Variants in SPON1 observed in about 807,000 individuals in gnomAD.
SPON1 encodes spondin 1, also known as spondin-1.
Under a neutral mutation model 111.7 loss-of-function variants are expected in SPON1, and 52 were observed. The ratio of observed to expected loss-of-function variants is 0.47; its 90% CI spans 0.37 to 0.59. The LOEUF (loss-of-function observed/expected upper bound fraction) is 0.59, where lower values mean the gene tolerates loss of function less well. Among genes scored for constraint, SPON1 ranks in the 20% least tolerant of loss-of-function variants. The pLI, the probability that SPON1 is intolerant of heterozygous loss-of-function variation, is 0.00. For synonymous variants in SPON1, 410 were observed against 395.8 expected (o/e 1.04, Z -0.43); for missense variants, 957 against 1,068.5 (o/e 0.90, Z 1.46).
intron 6 of SPON1, among the ~76,000 whole-genome samples, chr11:14,232,860 C>T (rs1848817669): frequency 6.6e-6 from 1 of 152,074 alleles, no homozygotes; most frequent in South Asian, 2.1e-4. Flanking sequence ...CAGTAGTGGC[C>T]AGTGGGGCAG....
intron 1 of SPON1, among the ~76,000 whole-genome samples, chr11:13,963,770 C>T (rs1473310001): frequency 6.6e-6 from 1 of 152,204 alleles, no homozygotes; most frequent in Admixed American, 6.5e-5. Context: ...ATTATTCTCT[C>T]GTGGTCCCAG....
At chr11:14,235,278 C>G (rs943668114) in intron 6 of SPON1, among the ~76,000 whole-genome samples, 1 of 152,192 alleles carries the variant, frequency 6.6e-6, no homozygotes, top group Non-Finnish European at 1.5e-5. Context: ...ATTAGTTAAG[C>G]GTGTTCCCAA....
intron 6 of SPON1, among the ~76,000 whole-genome samples, chr11:14,143,694 G>C (rs1483420435): frequency 1.8e-5 from 1 of 56,980 alleles, no homozygotes; most frequent in Non-Finnish European, 4.3e-5. Context: ...CAGGATTTCA[G>C]TCCTGTAGAA....
At chr11:14,191,232 C>A (rs2133891889) in intron 6 of SPON1, among the ~76,000 whole-genome samples, 1 of 152,300 alleles carries the variant, frequency 6.6e-6, no homozygotes, top group Admixed American at 6.5e-5. Flanking sequence ...ATGCCTGCCC[C>A]AACTGGCCAC....
intron 7 of SPON1, among the ~76,000 whole-genome samples, chr11:14,246,213 C>T (rs1243638862): frequency 2.0e-5 from 3 of 152,240 alleles, no homozygotes; most frequent in Admixed American, 6.5e-5. Context: ...AATCAAAGCA[C>T]ATTCAGGAAA....
intron 2 of SPON1, among the ~76,000 whole-genome samples, chr11:14,009,543 G>T (rs113614658): frequency 6.6e-6 from 1 of 152,038 alleles, no homozygotes; most frequent in African/African-American, 2.4e-5. Context: ...TTATGTTCTC[G>T]TTGCACATAT....
At chr11:14,054,996 C>A (rs2133820153) in intron 3 of SPON1, among the ~76,000 whole-genome samples, 1 of 152,296 alleles carries the variant, frequency 6.6e-6, no homozygotes, top group Admixed American at 6.5e-5. Context: ...TTGGAGGAAT[C>A]TTCCTTCGCA....
chr11:13,971,595 A>G (rs1344472845), intron 1 of SPON1, among the ~76,000 whole-genome samples: 2 of 152,068 alleles, frequency 1.3e-5, no homozygotes, highest in Admixed American at 6.5e-5. Flanking sequence ...CAGGAATCTT[A>G]TATTCTTCTT....
At chr11:13,970,103 A>G (rs1253081868) in intron 1 of SPON1, among the ~76,000 whole-genome samples, 1 of 152,192 alleles carries the variant, frequency 6.6e-6, no homozygotes, top group African/African-American at 2.4e-5. Flanking sequence ...CCTCTCTTGG[A>G]GCATCTATGG....
chr11:14,065,658 G>C (rs1488794189), intron 3 of SPON1, among the ~76,000 whole-genome samples: 1 of 152,164 alleles, frequency 6.6e-6, no homozygotes, highest in Non-Finnish European at 1.5e-5. Flanking sequence ...TTATTAAATG[G>C]AATGACATTC....
intron 5 of SPON1, among the ~76,000 whole-genome samples, chr11:14,102,294 T>G (rs1314013129): frequency 6.6e-6 from 1 of 152,178 alleles, no homozygotes; most frequent in Non-Finnish European, 1.5e-5. Flanking sequence ...ATAGCCATAT[T>G]AAAAAAATTA....
chr11:14,134,046 T>C (rs547500152), intron 5 of SPON1, among the ~76,000 whole-genome samples: 32 of 146,912 alleles, frequency 2.2e-4, no homozygotes, highest in South Asian at 1.0e-3. Context: ...TTCTTTCTTT[T>C]TTTTTTTTTT....
In SPON1 at chr11:14,017,444, G is replaced by A. The variant is rs145328401; in HGVS notation, c.346-24077G>A. Among the ~76,000 whole-genome samples, 319 of 152,204 alleles carry A rather than the reference G, an allele frequency of 2.1e-3. 4 individuals carry two copies. Among genetic ancestry groups the A allele is most frequent in the African/African-American group, 6.5e-3 (272 of 41,528 alleles). ...ATCTATGAATAAAGCTTCTCTTCTC[G>A]TGTGCCTGCCTTAGAGATGGACTGA... On this transcript the variant is annotated intron_variant, in intron 2 of 15. Coordinates refer to ENST00000576479, the MANE Select transcript of SPON1 (RefSeq NM_006108.4).
intron 6 of SPON1, among the ~76,000 whole-genome samples, chr11:14,208,600 T>G (rs2133900555): frequency 6.6e-6 from 1 of 152,338 alleles, no homozygotes; most frequent in Admixed American, 6.5e-5. Flanking sequence ...TCATGCAATC[T>G]TCATTCTCTT....
chr11:14,015,760 G>T (rs1458496599), intron 2 of SPON1, among the ~76,000 whole-genome samples: 1 of 152,172 alleles, frequency 6.6e-6, no homozygotes, highest in Admixed American at 6.5e-5. Context: ...TATTTATGTT[G>T]GCTGTTTGGC....
intron 1 of SPON1, among the ~76,000 whole-genome samples, chr11:13,973,359 G>C (rs1848077815): frequency 1.3e-5 from 2 of 152,206 alleles, no homozygotes; most frequent in Non-Finnish European, 2.9e-5. Context: ...GGGCAGCAGT[G>C]GGGGTCCCCC....
intron 5 of SPON1, among the ~76,000 whole-genome samples, chr11:14,104,925 GT>G (rs1849173338): frequency 6.6e-6 from 1 of 151,942 alleles, no homozygotes. Flanking sequence ...TATGTACATG[GT>G]TTTTTCATTA....
chr11:14,174,293 G>A (rs1361972927), intron 6 of SPON1, among the ~76,000 whole-genome samples: 5 of 152,212 alleles, frequency 3.3e-5, no homozygotes, highest in African/African-American at 1.2e-4. Flanking sequence ...GGATGAGGAT[G>A]TTTCCTTGTC....
intron 2 of SPON1, among the ~76,000 whole-genome samples, chr11:14,002,739 A>G (rs1464585705): frequency 6.6e-6 from 1 of 152,166 alleles, no homozygotes; most frequent in African/African-American, 2.4e-5. Flanking sequence ...AACCCCAAAC[A>G]CAGTAGAAGA....
Sources: gnomAD v4.1 joint callset for allele counts (sites outside exome capture counted in the v4.1 genomes callset) on GRCh38, gnomAD v4.1.1 for gene constraint, MANE v1.5 for transcripts, NCBI Gene and HGNC (gene_info 2026-07-23, HGNC 2026-07-21) for gene names.